CLEC16A: variants seen among roughly 807,000 people sequenced by gnomAD.
CLEC16A encodes protein CLEC16A.
In CLEC16A, 51 loss-of-function variants were observed where a neutral mutation model predicts 109.5. The ratio of observed to expected loss-of-function variants is 0.47; its 90% CI spans 0.37 to 0.59. CLEC16A has a LOEUF of 0.59. CLEC16A is among the 20% of genes least tolerant of loss of function. CLEC16A has a pLI of 0.00. For missense variants in CLEC16A, 1,339 were observed against 1,394.0 expected (o/e 0.96, Z 0.63); for synonymous variants, 673 against 564.2 (o/e 1.19, Z -2.73).
At chr16:11,009,575 G>A (rs1816116797) in intron 11 of CLEC16A, among the ~76,000 whole-genome samples, 1 of 152,170 alleles carries the variant, frequency 6.6e-6, no homozygotes, top group African/African-American at 2.4e-5. Context: ...CCTAGAGGCG[G>A]GAAACTTCAG....
At chr16:11,175,078 T>G (rs2068693293) in intron 23 of CLEC16A, among the ~76,000 whole-genome samples, 1 of 152,214 alleles carries the variant, frequency 6.6e-6, no homozygotes, top group African/African-American at 2.4e-5. Flanking sequence ...ACAGGTACCA[T>G]CCTTTTCTTC....
rs967808752 is a variant in CLEC16A, at chr16:10,961,155, T to A, written c.210-1300T>A. On this transcript the variant is annotated intron_variant, in intron 2 of 23. Coordinates refer to ENST00000409790, the MANE Select transcript of CLEC16A (RefSeq NM_015226.3). This position sits in a 1 kb window ranked among gnomAD's most constrained non-coding sequence, Gnocchi z 4.3. ...CTGGTGGCCCTTAGGAGTCACTGAT[T>A]TATGCAGCTTGAACTGAAGGTAGAC... Among the ~76,000 whole-genome samples, 1 of 152,276 alleles carries A rather than the reference T, an allele frequency of 6.6e-6. No individual in the cohort carries two copies. Among genetic ancestry groups the A allele is most frequent in the East Asian group, 1.9e-4 (1 of 5,186 alleles).
chr16:11,109,356 GT>G (rs1476516053), intron 19 of CLEC16A, among the ~76,000 whole-genome samples: 4 of 152,026 alleles, frequency 2.6e-5, no homozygotes, highest in Non-Finnish European at 5.9e-5. Flanking sequence ...GTCTTGCTAT[GT>G]TGCCCAGTCT....
At chr16:11,055,575 CTTTTTTTT>C (rs71136609) in intron 18 of CLEC16A, among the ~76,000 whole-genome samples, 16 of 41,758 alleles carry the variant, frequency 3.8e-4, no homozygotes, top group Middle Eastern at 0.024. Context: ...TTCCCTCTTG[CTTTTTTTT>C]TTTTTTTTTT....
chr16:11,067,398 G>A (rs2048830496), intron 19 of CLEC16A, among the ~76,000 whole-genome samples: 1 of 151,920 alleles, frequency 6.6e-6, no homozygotes, highest in Admixed American at 6.6e-5. Context: ...TGAAGGAGGG[G>A]CCCATTTGAG....
intron 22 of CLEC16A, among the ~76,000 whole-genome samples, chr16:11,132,765 C>T (rs761749413): frequency 3.3e-5 from 5 of 152,120 alleles, no homozygotes; most frequent in Non-Finnish European, 7.3e-5. Context: ...TGGGGAACCT[C>T]GTTTGTCTTG....
chr16:11,094,370 G>T (rs905718814), intron 19 of CLEC16A, among the ~76,000 whole-genome samples: 9 of 152,214 alleles, frequency 5.9e-5, no homozygotes, highest in African/African-American at 1.9e-4. Context: ...TGTGATTGCA[G>T]TAAACCTTCT....
intron 5 of CLEC16A, chr16:10,971,431 G>A (rs1051335245): frequency 1.9e-6 from 1 of 529,678 alleles, no homozygotes; most frequent in Admixed American, 6.4e-5. Flanking sequence ...CTCCAGGCAT[G>A]TCGAAGTCTT....
At chr16:10,970,464 T>G (rs12921922) in intron 4 of CLEC16A, among the ~76,000 whole-genome samples, 3 of 152,286 alleles carry the variant, frequency 2.0e-5, no homozygotes, top group Admixed American at 6.5e-5. Context: ...CCCCATGTTA[T>G]AGATGTAGAA....
chr16:10,970,502 C>T (rs189731403), intron 4 of CLEC16A, among the ~76,000 whole-genome samples: 130 of 152,340 alleles, frequency 8.5e-4, no homozygotes, highest in African/African-American at 2.9e-3. Context: ...CTGCATTGCA[C>T]AGGTTAGAAG....
At position 11,120,604 on chromosome 16, in the gene CLEC16A, C is replaced by T. The variant is rs200089912; in HGVS notation, c.2117-11C>T. On this transcript the variant is annotated splice_polypyrimidine_tract_variant and intron_variant, in intron 19 of 23. Transcript: ENST00000409790. ...CTGTGCCTCATTCTCTTCTCACCTT[C>T]CTCCTCCCAGATAACAGCGACTTGA... 7 of 1,603,876 alleles carry T rather than the reference C, an allele frequency of 4.4e-6. No individual in the cohort carries two copies. Among genetic ancestry groups the T allele is most frequent in the Non-Finnish European group, 3.4e-6 (4 of 1,173,828 alleles).
intron 22 of CLEC16A, among the ~76,000 whole-genome samples, chr16:11,127,777 G>A (rs758646883): frequency 6.6e-6 from 1 of 152,160 alleles, no homozygotes; most frequent in African/African-American, 2.4e-5. Flanking sequence ...GGCTGAGGTG[G>A]GAGGGTCACT....
intron 14 of CLEC16A, chr16:11,042,048 G>A (rs2047364971): frequency 1.8e-6 from 1 of 563,048 alleles, no homozygotes; most frequent in Non-Finnish European, 3.2e-6. Flanking sequence ...TTTGGTATAG[G>A]TAGTTTTGAT....
intron 19 of CLEC16A, among the ~76,000 whole-genome samples, chr16:11,061,981 G>A (rs2048504319): frequency 6.6e-6 from 1 of 152,156 alleles, no homozygotes; most frequent in Admixed American, 6.5e-5. Flanking sequence ...CAGCCCTGAT[G>A]GAAAGAGAAG....
chr16:10,977,760 C>T (rs1221874276), intron 8 of CLEC16A, among the ~76,000 whole-genome samples: 1 of 152,166 alleles, frequency 6.6e-6, no homozygotes, highest in Non-Finnish European at 1.5e-5. Flanking sequence ...TCAGGTGATA[C>T]ACCTGCCTGG....
intron 22 of CLEC16A, among the ~76,000 whole-genome samples, chr16:11,153,304 T>C (rs2054368323): frequency 6.6e-6 from 1 of 152,074 alleles, no homozygotes; most frequent in Non-Finnish European, 1.5e-5. Context: ...CCAGCAGGAC[T>C]CCTTCTCGTT....
intron 18 of CLEC16A, among the ~76,000 whole-genome samples, chr16:11,060,289 C>G (rs1252447201): frequency 6.6e-6 from 1 of 152,134 alleles, no homozygotes. Flanking sequence ...GCAGCACACC[C>G]CCTGTCGTAA....
intron 22 of CLEC16A, among the ~76,000 whole-genome samples, chr16:11,139,460 A>T (rs1486438334): frequency 3.9e-5 from 6 of 152,206 alleles, no homozygotes; most frequent in Admixed American, 1.3e-4. Flanking sequence ...TATTTTTTTT[A>T]ACATCTCAAA....
chr16:10,989,037 C>T (rs1006114353), intron 10 of CLEC16A, among the ~76,000 whole-genome samples: 2 of 152,086 alleles, frequency 1.3e-5, no homozygotes, highest in South Asian at 4.1e-4. Flanking sequence ...TTTGAGCAGA[C>T]ACCAAGGCAC....
Sources: gnomAD v4.1 joint callset for allele counts (sites outside exome capture counted in the v4.1 genomes callset) on GRCh38, gnomAD v4.1.1 for gene constraint, Gnocchi (gnomAD v3.1) non-coding constraint, MANE v1.5 for transcripts, NCBI Gene and HGNC (gene_info 2026-07-23, HGNC 2026-07-21) for gene names.